Variants in REPS2 observed in about 807,000 individuals in gnomAD.
The protein encoded by REPS2 is ralBP1-associated Eps domain-containing protein 2.
In REPS2, 23 loss-of-function variants were observed where a neutral mutation model predicts 53.6. The observed-to-expected ratio is 0.43, with a 90% confidence interval of 0.31 to 0.61. The LOEUF is 0.61. REPS2 is among the 20% of genes least tolerant of loss of function. REPS2 has a pLI of 0.11. For missense variants in REPS2, 446 were observed against 534.9 expected, an observed-to-expected ratio of 0.83 and a Z score of 1.64; for synonymous variants, 238 against 218.6, an observed-to-expected ratio of 1.09 and a Z score of -0.78.
At chrX:17,120,935 G>A (rs1018184453) in intron 14 of REPS2, among the ~76,000 whole-genome samples, 1 of 112,075 alleles carries the variant, frequency 8.9e-6, no homozygotes, top group Non-Finnish European at 1.9e-5. Context: ...CCAGTGGACA[G>A]GTGGATAGGC....
chrX:17,135,940 G>A (rs1360145159), intron 16 of REPS2: 1 of 112,625 alleles, frequency 8.9e-6, no homozygotes, highest in Non-Finnish European at 1.9e-5. Context: ...AGCTGGAACA[G>A]GTATTGGAGG....
At chrX:17,074,985 A>G (rs769754605) in intron 12 of REPS2, among the ~76,000 whole-genome samples, 1 of 111,904 alleles carries the variant, frequency 8.9e-6, no homozygotes, top group South Asian at 3.7e-4. Flanking sequence ...TATTTAAGGA[A>G]CCTCATCTCT....
intron 1 of REPS2, among the ~76,000 whole-genome samples, chrX:16,975,176 T>C (rs1454690872): frequency 8.9e-6 from 1 of 112,341 alleles, no homozygotes; most frequent in Admixed American, 9.4e-5. Flanking sequence ...GCAATGAACA[T>C]ACGCTTGCAT....
intron 1 of REPS2, among the ~76,000 whole-genome samples, chrX:16,991,530 T>C (rs982499555): frequency 5.4e-5 from 6 of 111,062 alleles, no homozygotes; most frequent in Non-Finnish European, 1.1e-4. Context: ...TTGAATTGTG[T>C]CCCCCACAAA....
chrX:17,054,876 T>C lies in REPS2; in HGVS notation c.1040T>C (p.Ile347Thr), dbSNP rs773576359. ...LPEFCAAFHL[I>T]VARKNGYPLP... ...GAGTTCTGTGCTGCGTTTCATCTCATTGTGGCTCGGAAGAACGGCTACCCA... is the reference window on the plus strand; with the variant it reads ...GAGTTCTGTGCTGCGTTTCATCTCACTGTGGCTCGGAAGAACGGCTACCCA... Residue 347 changes from isoleucine (I) to threonine (T), a missense_variant, in exon 8 of 18, where the codon ATT becomes ACT. Physicochemically the swap from Ile to Thr is moderately conservative, Grantham distance 89. Transcript: ENST00000357277. 7.4e-6 allele frequency: 9 copies of C among 1,211,679 alleles called. No individual in the cohort carries two copies. Among genetic ancestry groups the C allele is most frequent in the African/African-American group, 3.5e-5 (2 of 57,822 alleles).
chrX:17,192,691 T>G, the REPS2 span, among the ~76,000 whole-genome samples: 1 of 112,131 alleles, frequency 8.9e-6, no homozygotes, highest in Non-Finnish European at 1.9e-5. Context: ...TTACTTGATA[T>G]AGTTTTGTAT....
At position 17,134,545 on chromosome X, in the gene REPS2, A is replaced by T. The variant is rs183566724; in HGVS notation, c.1662+638A>T. Among the ~76,000 whole-genome samples, 12 of 111,902 alleles carry T rather than the reference A, an allele frequency of 1.1e-4. No individual in the cohort carries two copies. The East Asian group carries it at 3.4e-3, about 31-fold the overall frequency. Reference sequence around the variant, plus strand: ...CACTGTGGCTCTTTTTCTTGACTTTATGTAGGAATTGGGGATAGGAGAATG... The same window carrying T: ...CACTGTGGCTCTTTTTCTTGACTTTTTGTAGGAATTGGGGATAGGAGAATG... On this transcript the variant is annotated intron_variant, in intron 15 of 17. Coordinates refer to ENST00000357277, the MANE Select transcript of REPS2 (RefSeq NM_004726.3).
chrX:17,178,464 C>T, the REPS2 span, among the ~76,000 whole-genome samples: 1 of 112,441 alleles, frequency 8.9e-6, no homozygotes, highest in Non-Finnish European at 1.9e-5. Context: ...ATAACTCCCT[C>T]TGGGATAGAT....
rs758537534 is a variant in REPS2, at chrX:17,022,293, G to A, written c.546+22G>A. The A allele has an allele frequency of 6.9e-5, 82 of 1,182,839 alleles. 1 individual carries two copies. The Admixed American group carries it at 1.8e-3, about 26-fold the overall frequency. ...ACAGGTAAACAGTTTGTTCAGATGTGTTCATTTGATTCTGACCATGAAACC... is the reference window on the plus strand; with the variant it reads ...ACAGGTAAACAGTTTGTTCAGATGTATTCATTTGATTCTGACCATGAAACC... On this transcript the variant is annotated intron_variant, in intron 3 of 17. Transcript: ENST00000357277.
At chrX:17,007,550 G>C (rs992716899) in intron 2 of REPS2, among the ~76,000 whole-genome samples, 3 of 111,760 alleles carry the variant, frequency 2.7e-5, no homozygotes, top group Non-Finnish European at 5.6e-5. Context: ...TTATCTTGTG[G>C]CACCTCCCAA....
chrX:17,101,365 A>T (rs577845002), intron 13 of REPS2, among the ~76,000 whole-genome samples: 1 of 111,115 alleles, frequency 9.0e-6, no homozygotes, highest in African/African-American at 3.3e-5. Context: ...CCAGGCCTCT[A>T]TGCCAACTCT....
chrX:17,147,375 T>G, intron 17 of REPS2, 38 bp from the exon 18 acceptor site: 1 of 1,115,986 alleles, frequency 9.0e-7, no homozygotes, highest in Non-Finnish European at 1.2e-6. Flanking sequence ...AAATGACCCC[T>G]TTGCTTTTTT....
intron 1 of REPS2, among the ~76,000 whole-genome samples, chrX:16,998,099 T>C (rs2061254394): frequency 9.0e-6 from 1 of 110,980 alleles, no homozygotes; most frequent in South Asian, 3.8e-4. Context: ...AACAAAAAAG[T>C]AGCCAGGTGT....
the REPS2 span, among the ~76,000 whole-genome samples, chrX:17,168,789 A>G: frequency 4.5e-5 from 5 of 112,101 alleles, no homozygotes; most frequent in South Asian, 1.5e-3. Flanking sequence ...AGTTAGAGGC[A>G]CGTTGTAGAG....
chrX:16,991,815 A>T (rs999724378), intron 1 of REPS2, among the ~76,000 whole-genome samples: 1 of 111,315 alleles, frequency 9.0e-6, no homozygotes, highest in African/African-American at 3.3e-5. Flanking sequence ...GAAGATGAAG[A>T]TAGAAGCAAT....
intron 1 of REPS2, among the ~76,000 whole-genome samples, chrX:16,950,101 T>C (rs2060490001): frequency 9.0e-6 from 1 of 110,655 alleles, no homozygotes; most frequent in South Asian, 3.9e-4. Flanking sequence ...TAGTTTTGCC[T>C]TTTTTAGAAT....
downstream of REPS2, among the ~76,000 whole-genome samples, chrX:17,157,420 C>T (rs957797243): frequency 8.9e-6 from 1 of 111,841 alleles, no homozygotes. Flanking sequence ...GTTATTCTAC[C>T]CCCATATCAG....
chrX:17,038,925 A>G (rs1449558851), intron 5 of REPS2, among the ~76,000 whole-genome samples: 2 of 111,701 alleles, frequency 1.8e-5, no homozygotes, highest in Non-Finnish European at 3.8e-5. Context: ...CCAAATTGGA[A>G]CCCAAGTCTG....
intron 1 of REPS2, among the ~76,000 whole-genome samples, chrX:16,953,667 C>G (rs2060552838): frequency 8.9e-6 from 1 of 112,194 alleles, no homozygotes; most frequent in Non-Finnish European, 1.9e-5. Context: ...TGGAATTCAT[C>G]TTGTTGACAC....
Sources: gnomAD v4.1 joint callset for allele counts (sites outside exome capture counted in the v4.1 genomes callset) on GRCh38, gnomAD v4.1.1 for gene constraint, MANE v1.5 for transcripts, NCBI Gene and HGNC (gene_info 2026-07-23, HGNC 2026-07-21) for gene names.